LILRB4: variants seen among roughly 807,000 people sequenced by gnomAD.
The protein encoded by LILRB4 is leukocyte immunoglobulin-like receptor subfamily B member 4.
LILRB4 carries 49 observed loss-of-function variants against 55.2 expected under a neutral mutation model. That is an observed-to-expected ratio of 0.89 (90% CI 0.71 to 1.13). The LOEUF (loss-of-function observed/expected upper bound fraction) is 1.13. LILRB4 is among the 50% of genes most tolerant of loss of function. The pLI, the probability that LILRB4 is intolerant of heterozygous loss-of-function variation, is 0.00. For synonymous variants in LILRB4, 229 were observed against 213.8 expected (o/e 1.07, Z -0.62); for missense variants, 590 against 555.2 (o/e 1.06, Z -0.63).
At position 54,666,989 on chromosome 19, in the gene LILRB4, A is replaced by G; in HGVS notation, c.1041+240A>G. 1.4e-6 allele frequency: 1 copy of G among 702,928 alleles called. No individual in the cohort carries two copies. The highest frequency in any genetic ancestry group is 2.6e-6 in the Non-Finnish European group (1 of 377,642). 43.5% of individuals were successfully genotyped at this position (702,928 alleles called of 1,614,324 possible). A position where few individuals can be genotyped will look rare whatever the true frequency, so the allele number is the denominator to read the frequency against. On this transcript the variant is annotated intron_variant, in intron 10 of 11. Transcript: ENST00000430952. This position sits in a 1 kb window ranked among gnomAD's most constrained non-coding sequence, Gnocchi z 4.8. ...CTCTGTTTGGCCATCTGGTTGTTAGAGAGCTCCCCAGGCCTCAGGAGGATG... is the reference window on the plus strand; with the variant it reads ...CTCTGTTTGGCCATCTGGTTGTTAGGGAGCTCCCCAGGCCTCAGGAGGATG...
rs752933600 is a variant in LILRB4, at chr19:54,666,462, C to T, written c.988+26C>T. On this transcript the variant is annotated intron_variant, in intron 9 of 11. Transcript: ENST00000430952. This position sits in a 1 kb window ranked among gnomAD's most constrained non-coding sequence, Gnocchi z 4.8. ...GTGAGTGAGAGGCAGAGAAGGTGCA[C>T]CTGGGGTGGAGCTGGGGGTCCCAAA... 7 of 1,613,360 alleles carry T rather than the reference C, an allele frequency of 4.3e-6. No homozygotes were observed. Among genetic ancestry groups the T allele is most frequent in the South Asian group, 3.3e-5 (3 of 91,024 alleles).
chr19:54,666,073 A>C lies in LILRB4; in HGVS notation c.874+142A>C. ...AGAAAATCTAGAAAGAAGAAAATGA[A>C]TGAGGGAGTAATGGAAGTGCTTTAT... On this transcript the variant is annotated intron_variant, in intron 7 of 11. Coordinates refer to ENST00000430952, the Ensembl canonical transcript of LILRB4. The surrounding 1 kb of genome is among the most constrained non-coding windows in gnomAD (Gnocchi z 4.8). 1 of 1,283,384 alleles carries C rather than the reference A, an allele frequency of 7.8e-7. No individual in the cohort carries two copies. The highest frequency in any genetic ancestry group is 1.1e-6 in the Non-Finnish European group (1 of 917,854). The allele number at this position is 1,283,384 out of a possible 1,614,324, so 79.5% of individuals were successfully genotyped here.
Position 54,663,043 on chromosome 19 carries a change from A to T in LILRB4, c.10A>T (p.Thr4Ser), listed in dbSNP as rs544548503. The change falls in exon 1 of 12, where the codon ACC becomes TCC. Residue 4 changes from threonine to serine, a missense_variant. By Grantham distance (58) the Thr-to-Ser change is moderately conservative. Transcript: ENST00000430952. ...CCTGGGAGGAGACGCCATGATCCCC[A>T]CCTTCACGGCTCTGCTCTGCCTCGG... The T allele has an allele frequency of 1.9e-6, 3 of 1,613,600 alleles. No homozygotes were observed. In the South Asian group the frequency reaches 3.3e-5, roughly 18 times the overall value.
rs1317115216 is a variant in LILRB4 at position 54,666,561 on chromosome 19, C to A, written c.988+125C>A. ...CTCAGGGAGAAGTGGTCTGAACCCA[C>A]ATTGTGGGACCTCGGGGACATCACA... On this transcript the variant is annotated intron_variant, in intron 9 of 11. Transcript: ENST00000430952. The surrounding 1 kb of genome is among the most constrained non-coding windows in gnomAD (Gnocchi z 4.8). The A allele has an allele frequency of 7.0e-7, 1 of 1,431,210 alleles. No individual in the cohort carries two copies. Among genetic ancestry groups the A allele is most frequent in the Non-Finnish European group, 9.7e-7 (1 of 1,027,786 alleles). The allele number at this position is 1,431,210 out of a possible 1,614,324, so 88.7% of individuals were successfully genotyped here.
Position 54,666,717 on chromosome 19 carries a change from C to A in LILRB4, c.1009C>A (p.Gln337Lys), listed in dbSNP as rs535855783. 6.2e-7 allele frequency: 1 copy of A among 1,614,222 alleles called. No individual in the cohort carries two copies. Among genetic ancestry groups the A allele is most frequent in the South Asian group, 1.1e-5 (1 of 91,080 alleles). The change falls in exon 10 of 12, where the codon CAG (glutamine) becomes AAG (lysine). Residue 337 changes from glutamine to lysine, a missense_variant. Gln to Lys is a moderately conservative substitution (Grantham distance 53). Transcript: ENST00000430952. This position sits in a 1 kb window ranked among gnomAD's most constrained non-coding sequence, Gnocchi z 4.8. ...AGCAGGTGCTGCCGTGAAGAACACA[C>A]AGCCTGAGGACGGGGTGGAAATGGA... is the stretch of plus-strand genomic sequence containing the variant.
Position 54,665,457 on chromosome 19 carries a change from C to T in LILRB4, c.757+277C>T, listed in dbSNP as rs939250174. Among the ~76,000 whole-genome samples, 6 of 151,722 alleles carry T rather than the reference C, an allele frequency of 4.0e-5. No individual in the cohort carries two copies. Among genetic ancestry groups the T allele is most frequent in the Non-Finnish European group, 5.9e-5 (4 of 67,882 alleles). On this transcript the variant is annotated intron_variant, in intron 6 of 11. Transcript: ENST00000430952. This position sits in a 1 kb window ranked among gnomAD's most constrained non-coding sequence, Gnocchi z 5.5. Reference sequence around the variant, plus strand: ...TGTCCGGTCCCACCTGCAGCAGAGACGGTGACCTGGGGCAGGGGAGGGGAG... The same window carrying T: ...TGTCCGGTCCCACCTGCAGCAGAGATGGTGACCTGGGGCAGGGGAGGGGAG...
intron 10 of LILRB4, 45 bp from the exon 11 acceptor site, chr19:54,667,590 A>G (rs11574588): frequency 0.047 from 75,679 of 1,600,702 alleles, 3,741 homozygotes; most frequent in African/African-American, 0.25. Flanking sequence ...GACTCCAGGG[A>G]GTCAGGAGGA....
rs1568646230 is a variant in LILRB4, at chr19:54,666,332, A to G, written c.950+17A>G. 3 of 1,608,524 alleles carry G rather than the reference A, an allele frequency of 1.9e-6. No homozygotes were observed. The highest frequency in any genetic ancestry group is 1.7e-6 in the Non-Finnish European group (2 of 1,177,304). ...ACAGAGGAGGTAATTCTGCCCAAAG[A>G]CCTCAGACTCCCACCCATCCCAACA... On this transcript the variant is annotated intron_variant, in intron 8 of 11. Transcript: ENST00000430952. This position sits in a 1 kb window ranked among gnomAD's most constrained non-coding sequence, Gnocchi z 4.8.
At position 54,665,148 on chromosome 19, in the gene LILRB4, C is replaced by A. The variant is rs755472685; in HGVS notation, c.725C>A (p.Pro242His). 5 of 1,607,004 alleles carry A rather than the reference C, an allele frequency of 3.1e-6. No individual in the cohort carries two copies. The South Asian group carries it at 5.5e-5, about 18-fold the overall frequency. The change falls in exon 6 of 12, where the codon CCC becomes CAC. Residue 242 changes from proline to histidine, a missense_variant. Physicochemically the swap from Pro to His is moderately conservative, Grantham distance 77. Coordinates refer to ENST00000430952, the Ensembl canonical transcript of LILRB4. This position sits in a 1 kb window ranked among gnomAD's most constrained non-coding sequence, Gnocchi z 5.5. Reference sequence around the variant, plus strand: ...AACCCAGCAGGCCCTGAGGACCAGCCCCTCATGCCTACAGGGTCAGTCCCC... The same window carrying A: ...AACCCAGCAGGCCCTGAGGACCAGCACCTCATGCCTACAGGGTCAGTCCCC...
chr19:54,664,428 G>A (rs377231062), exon 4 of LILRB4: 45 of 1,608,120 alleles, frequency 2.8e-5, no homozygotes, highest in Non-Finnish European at 1.8e-5. Context: ...CAGCTCACAC[G>A]GCTTCTCCCA....
Position 54,664,029 on chromosome 19 carries a change from G to C in LILRB4, c.346G>C (p.Val116Leu), listed in dbSNP as rs554367270. The change falls in exon 3 of 12, where the codon GTG becomes CTG. Residue 116 changes from valine to leucine, a missense_variant. Physicochemically the swap from Val to Leu is conservative, Grantham distance 32 (BLOSUM62 1). Transcript: ENST00000430952. ...ACAGCCCAGTGACCCCCTGGAGCTG[G>C]TGATGACAGGTGAGAGGACACTCAG... is the stretch of plus-strand genomic sequence containing the variant. 2.5e-6 allele frequency: 4 copies of C among 1,598,730 alleles called. No homozygotes were observed. The South Asian group carries it at 4.5e-5, about 18-fold the overall frequency.
At position 54,663,579 on chromosome 19, in the gene LILRB4, C is replaced by T; in HGVS notation, c.70+12C>T. 1 of 1,613,198 alleles carries T rather than the reference C, an allele frequency of 6.2e-7. No homozygotes were observed. The highest frequency in any genetic ancestry group is 8.5e-7 in the Non-Finnish European group (1 of 1,179,974). Reference sequence around the variant, plus strand: ...CCACATGCAGGCAGGTGAGTCTGTCCCCAGCTGTCCCAGGTCCCTCCTCCT... The same window carrying T: ...CCACATGCAGGCAGGTGAGTCTGTCTCCAGCTGTCCCAGGTCCCTCCTCCT... On this transcript the variant is annotated intron_variant, in intron 2 of 11. Coordinates refer to ENST00000430952, the Ensembl canonical transcript of LILRB4.
exon 12 of LILRB4, chr19:54,668,146 C>T (rs1340978005): frequency 1.8e-6 from 2 of 1,105,070 alleles, no homozygotes; most frequent in Non-Finnish European, 2.6e-6. Flanking sequence ...CTAGAAGATT[C>T]CGGGAACGTT....
rs1375965872 is a variant in LILRB4, at chr19:54,665,178, G to A, written c.755G>A (p.Ser252Asn). Residue 252 changes from serine to asparagine, a missense_variant and splice_region_variant, in exon 6 of 12, where the codon AGT becomes AAT. Coordinates refer to ENST00000430952, the Ensembl canonical transcript of LILRB4. This position sits in a 1 kb window ranked among gnomAD's most constrained non-coding sequence, Gnocchi z 5.5. ...ATGCCTACAGGGTCAGTCCCCCACA[G>A]TGGTGAGTGAGGGGCTCTGAGTGGG... The A allele has an allele frequency of 3.8e-6, 6 of 1,598,882 alleles. No homozygotes were observed. In the African/African-American group the frequency reaches 4.0e-5, roughly 11 times the overall value.
In LILRB4 at chr19:54,666,364, T is replaced by C; in HGVS notation, c.951-35T>C. 1 of 1,612,570 alleles carries C rather than the reference T, an allele frequency of 6.2e-7. No individual in the cohort carries two copies. Among genetic ancestry groups the C allele is most frequent in the Non-Finnish European group, 8.5e-7 (1 of 1,179,142 alleles). ...ACTCCCACCCATCCCAACAGCCACCTCACTGTCCCCTTACACTCCCGTATC... is the reference window on the plus strand; with the variant it reads ...ACTCCCACCCATCCCAACAGCCACCCCACTGTCCCCTTACACTCCCGTATC... On this transcript the variant is annotated intron_variant, in intron 8 of 11. Transcript: ENST00000430952. The surrounding 1 kb of genome is among the most constrained non-coding windows in gnomAD (Gnocchi z 4.8).
At chr19:54,663,556 A>C in exon 2 of LILRB4, 1 of 1,612,346 alleles carries the variant, frequency 6.2e-7, no homozygotes, top group South Asian at 1.1e-5. Flanking sequence ...CCCAGGACCC[A>C]CATGCAGGCA....
At chr19:54,667,035 A>C (rs554479962) in intron 10 of LILRB4, 9 of 666,046 alleles carry the variant, frequency 1.4e-5, no homozygotes, top group Admixed American at 6.3e-5. Flanking sequence ...GAACCACTCC[A>C]GTCCCCTGGG....
rs1296878081 is a variant in LILRB4, at chr19:54,666,152, T to G, written c.875-88T>G. ...ATTTAAAACATCCTTGCAAGTGTAT[T>G]TTCAGGTTTCCTTTCCTCTTGACTT... On this transcript the variant is annotated intron_variant, in intron 7 of 11. Transcript: ENST00000430952. This position sits in a 1 kb window ranked among gnomAD's most constrained non-coding sequence, Gnocchi z 4.8. 1 of 1,367,318 alleles carries G rather than the reference T, an allele frequency of 7.3e-7. No homozygotes were observed. The highest frequency in any genetic ancestry group is 2.3e-5 in the East Asian group (1 of 43,366). 84.7% of individuals were successfully genotyped at this position (1,367,318 alleles called of 1,614,324 possible).
chr19:54,664,658 C>A, intron 4 of LILRB4, 141 bp from the exon 5 acceptor site: 1 of 979,750 alleles, frequency 1.0e-6, no homozygotes, highest in East Asian at 2.6e-5. Flanking sequence ...TCTTCTCCCT[C>A]ACCTAGGGTC....
Sources: gnomAD v4.1 joint callset for allele counts (sites outside exome capture counted in the v4.1 genomes callset) on GRCh38, gnomAD v4.1.1 for gene constraint, Gnocchi (gnomAD v3.1) non-coding constraint, MANE v1.5 for transcripts, NCBI Gene and HGNC (gene_info 2026-07-23, HGNC 2026-07-21) for gene names.